The following MYH9 variants were observed in gnomAD, a reference collection of about 807,000 sequenced individuals.
MYH9 encodes myosin heavy chain 9.
MYH9 carries 29 observed loss-of-function variants against 241.9 expected under a neutral mutation model. The ratio of observed to expected loss-of-function variants is 0.12; its 90% CI spans 0.09 to 0.16. The LOEUF is 0.16. MYH9 is among the 10% of genes least tolerant of loss of function. The pLI, the probability that MYH9 is intolerant of heterozygous loss-of-function variation, is 1.00. For missense variants in MYH9, 1,803 were observed against 2,595.5 expected, an observed-to-expected ratio of 0.69 and a Z score of 6.63; for synonymous variants, 1,047 against 1,062.6, an observed-to-expected ratio of 0.99 and a Z score of 0.29.
intron 3 of MYH9, among the ~76,000 whole-genome samples, chr22:36,332,612 T>G (rs571827958): frequency 8.0e-6 from 1 of 124,432 alleles, no homozygotes; most frequent in African/African-American, 3.2e-5. Context: ...TCCCCACTTA[T>G]AGGAGGCAGA....
intron 2 of MYH9, 107 bp from the exon 3 acceptor site, chr22:36,341,633 C>G (rs1603483870): frequency 7.5e-7 from 1 of 1,336,766 alleles, no homozygotes; most frequent in Middle Eastern, 2.0e-4. Flanking sequence ...CTGAGTCAGC[C>G]TGATGTGAAG....
chr22:36,385,107 T>C (rs1222995465), intron 1 of MYH9, among the ~76,000 whole-genome samples: 2 of 152,100 alleles, frequency 1.3e-5, no homozygotes, highest in African/African-American at 4.8e-5. Context: ...CAGATTTTGT[T>C]ATTCTAAATA....
Position 36,294,187 on chromosome 22 carries a change from T to C in MYH9, c.3742A>G (p.Lys1248Glu), listed in dbSNP as rs1276028189. ...TCCTGCAGCTGCGCCTCCACTTTCT[T>C]GCGCTTGTGCTCCGAGTCCCCTTTG... is the stretch of plus-strand genomic sequence containing the variant. ...QGKGDSEHKR[K>E]KVEAQLQELQ... is the part of the protein sequence containing the mutation. Residue 1248 changes from lysine (K) to glutamate (E), a missense_variant, in exon 28 of 41, where the codon AAG (lysine) becomes GAG (glutamate). Physicochemically the swap from Lys to Glu is moderately conservative, Grantham distance 56 (BLOSUM62 1). Around this residue, in one of 11 missense-constraint regions of MYH9, gnomAD observed 876 missense variants for 1,077.8 expected, o/e 0.81. Coordinates refer to ENST00000216181, the MANE Select transcript of MYH9 (RefSeq NM_002473.6). 16 of 1,613,856 alleles carry C rather than the reference T, an allele frequency of 9.9e-6. No homozygotes were observed. Among genetic ancestry groups the C allele is most frequent in the Non-Finnish European group, 1.3e-5 (15 of 1,180,052 alleles).
At chr22:36,362,252 T>C (rs914029054) in intron 1 of MYH9, among the ~76,000 whole-genome samples, 5 of 152,076 alleles carry the variant, frequency 3.3e-5, no homozygotes, top group African/African-American at 1.2e-4. Flanking sequence ...AGTGCAGCCA[T>C]AGACTTTACC....
intron 39 of MYH9, 54 bp from the exon 40 acceptor site, chr22:36,284,319 G>A (rs1038164678): frequency 1.2e-6 from 2 of 1,604,118 alleles, no homozygotes; most frequent in Middle Eastern, 1.7e-4. Context: ...TGGGCGTGCA[G>A]CCAGTCAGCC....
intron 30 of MYH9, among the ~76,000 whole-genome samples, 167 bp from the exon 31 acceptor site, chr22:36,292,401 G>A (rs942501971): frequency 6.6e-5 from 10 of 152,166 alleles, no homozygotes; most frequent in Admixed American, 6.5e-5. Flanking sequence ...CCACAGGGGC[G>A]AGACAAATGG....
chr22:36,312,059 T>G lies in MYH9; in HGVS notation c.1718A>C (p.Tyr573Ser). Residue 573 changes from tyrosine (Y) to serine (S), a missense_variant, in exon 14 of 41, where the codon TAT (tyrosine) becomes TCT (serine). Transcript: ENST00000216181. ...GTGAGCGCTCCTCACCTTGCCGGCA[T>G]AGTGGATAATGCAGAAATCAGCTTT... ...KDKADFCIIH[Y>S]AGKVDYKADE... 1 of 1,614,096 alleles carries G rather than the reference T, an allele frequency of 6.2e-7. No homozygotes were observed. The highest frequency in any genetic ancestry group is 8.5e-7 in the Non-Finnish European group (1 of 1,179,990).
chr22:36,311,790 T>C lies in MYH9; in HGVS notation c.1728+259A>G, dbSNP rs138384528. On this transcript the variant is annotated intron_variant, in intron 14 of 40. Coordinates refer to ENST00000216181, the MANE Select transcript of MYH9 (RefSeq NM_002473.6). ...ACCTGGCAGACAGGCCCAACGATAA[T>C]GCATGATGACAACCAGCCTGGGCAC... Among the ~76,000 whole-genome samples the C allele has an allele frequency of 4.6e-5, 7 of 152,300 alleles. No homozygotes were observed. The East Asian group carries it at 1.4e-3, about 29-fold the overall frequency.
Position 36,320,209 on chromosome 22 carries a change from C to G in MYH9, c.1012+11G>C. On this transcript the variant is annotated intron_variant, in intron 9 of 40. Coordinates refer to ENST00000216181, the MANE Select transcript of MYH9 (RefSeq NM_002473.6). This position sits in a 1 kb window ranked among gnomAD's most constrained non-coding sequence, Gnocchi z 4.8. ...GCCCCACACTCGACCATAGGAGGGC[C>G]AGCCCTGTACCCATTTGCTCCTCTT... 3 of 1,614,180 alleles carry G rather than the reference C, an allele frequency of 1.9e-6. No homozygotes were observed. The highest frequency in any genetic ancestry group is 2.5e-6 in the Non-Finnish European group (3 of 1,180,036).
chr22:36,348,837 A>AGCCCCCCCCCCCCCCCCCCCCC, intron 2 of MYH9, 67 bp downstream of exon 2: 2 of 539,148 alleles, frequency 3.7e-6, no homozygotes, highest in South Asian at 1.7e-5. Flanking sequence ...TGATGGGAAG[A>AGCCCCCCCCCCCCCCCCCCCCC]CCCGCCCCCC....
At position 36,300,103 on chromosome 22, in the gene MYH9, G is replaced by A; in HGVS notation, c.2976+24C>T. The A allele has an allele frequency of 6.2e-7, 1 of 1,607,592 alleles. No individual in the cohort carries two copies. Among genetic ancestry groups the A allele is most frequent in the Non-Finnish European group, 8.5e-7 (1 of 1,179,964 alleles). On this transcript the variant is annotated intron_variant, in intron 23 of 40. Transcript: ENST00000216181. This position sits in a 1 kb window ranked among gnomAD's most constrained non-coding sequence, Gnocchi z 5.0. Reference sequence around the variant, plus strand: ...CATCCACGGCGCCCCTGGAGCAGCGGCAGGCGACAGCCACGGGCCTCACCT... The same window carrying A: ...CATCCACGGCGCCCCTGGAGCAGCGACAGGCGACAGCCACGGGCCTCACCT...
intron 1 of MYH9, among the ~76,000 whole-genome samples, chr22:36,379,503 C>G (rs1345147829): frequency 6.6e-6 from 1 of 152,086 alleles, no homozygotes; most frequent in South Asian, 2.1e-4. Flanking sequence ...AGCGAGACTC[C>G]GTCTCAGAAA....
intron 14 of MYH9, among the ~76,000 whole-genome samples, chr22:36,309,876 A>G (rs532997136): frequency 3.2e-4 from 48 of 152,334 alleles, no homozygotes; most frequent in African/African-American, 1.2e-3. Context: ...GTTTTTAAAT[A>G]TATTTTTTTA....
intron 3 of MYH9, among the ~76,000 whole-genome samples, chr22:36,334,955 C>T (rs1360916586): frequency 4.6e-5 from 7 of 152,238 alleles, no homozygotes; most frequent in African/African-American, 7.2e-5. Flanking sequence ...CTCTCCTCCA[C>T]GACACACTTC....
At chr22:36,372,039 T>C (rs1270938248) in intron 1 of MYH9, among the ~76,000 whole-genome samples, 1 of 152,066 alleles carries the variant, frequency 6.6e-6, no homozygotes, top group Non-Finnish European at 1.5e-5. Context: ...ATGTATTTAA[T>C]GAACAAATAA....
chr22:36,361,021 A>AGCAGTTATCT (rs1384198565), intron 1 of MYH9, among the ~76,000 whole-genome samples: 1 of 152,180 alleles, frequency 6.6e-6, no homozygotes. Context: ...AGGGTGGGTC[A>AGCAGTTATCT]ATAAAGTGGC....
chr22:36,366,395 G>C (rs1377173597), intron 1 of MYH9, among the ~76,000 whole-genome samples: 1 of 151,916 alleles, frequency 6.6e-6, no homozygotes, highest in African/African-American at 2.4e-5. Context: ...GTGGGGGGTC[G>C]GGGGGAGTGT....
At position 36,321,704 on chromosome 22, in the gene MYH9, G is replaced by A; in HGVS notation, c.769+54C>T. The A allele has an allele frequency of 2.0e-6, 3 of 1,520,032 alleles. No individual in the cohort carries two copies. In the South Asian group the frequency reaches 3.4e-5, roughly 17 times the overall value. 94.2% of individuals were successfully genotyped at this position (1,520,032 alleles called of 1,614,324 possible). On this transcript the variant is annotated intron_variant, in intron 7 of 40. Transcript: ENST00000216181. The stretch of plus-strand genomic sequence containing the variant: ...AGGAGGCAGCTTCTTCTCTACAGAG[G>A]TCATGCCTCCCCTCCGGATCCAGGA...
chr22:36,310,913 C>T (rs564369680), intron 14 of MYH9, among the ~76,000 whole-genome samples: 7 of 152,298 alleles, frequency 4.6e-5, no homozygotes, highest in Admixed American at 2.0e-4. Flanking sequence ...TGGTGTAAAT[C>T]GCTTTTTTGG....
Sources: gnomAD v4.1 joint callset for allele counts (sites outside exome capture counted in the v4.1 genomes callset) on GRCh38, gnomAD v4.1.1 for gene constraint, gnomAD v4.1.1 regional missense constraint, Gnocchi (gnomAD v3.1) non-coding constraint, MANE v1.5 for transcripts, NCBI Gene and HGNC (gene_info 2026-07-23, HGNC 2026-07-21) for gene names.